The following SFXN5 variants were observed in gnomAD, a reference collection of about 807,000 sequenced individuals.
The protein encoded by SFXN5 is sideroflexin-5.
In SFXN5, 43 loss-of-function variants were observed where a neutral mutation model predicts 50.2. The observed-to-expected ratio is 0.86, with a 90% CI of 0.67 to 1.11. The LOEUF (loss-of-function observed/expected upper bound fraction) is 1.11, where lower values mean the gene tolerates loss of function less well. Ranked by LOEUF, SFXN5 falls within the 50% of genes least tolerant of loss-of-function variation. The probability of loss-of-function intolerance (pLI) is 0.00; values close to 1 mark genes in which losing one functional copy is unlikely to be tolerated. For missense variants in SFXN5, 463 were observed against 454.1 expected (o/e 1.02, Z -0.18); for synonymous variants, 203 against 185.8 (o/e 1.09, Z -0.75).
At chr2:72,946,096 C>T (rs1304146831) in intron 13 of SFXN5, among the ~76,000 whole-genome samples, 7 of 151,182 alleles carry the variant, frequency 4.6e-5, no homozygotes, top group Non-Finnish European at 7.4e-5. Flanking sequence ...TCCCTCCCCT[C>T]GCAGGACAGG....
chr2:72,961,443 G>A lies in SFXN5; in HGVS notation c.828-195C>T, dbSNP rs559359784. 6.6e-6 allele frequency among the ~76,000 whole-genome samples: 1 copy of A among 152,316 alleles called. No individual in the cohort carries two copies. The highest frequency in any genetic ancestry group is 2.1e-4 in the South Asian group (1 of 4,826). ...CCGATAGGTACCCCTATCCCAGCGG[G>A]TATAGACCCCTATCCCAATGTCTTG... On this transcript the variant is annotated intron_variant, in intron 12 of 13. Transcript: ENST00000272433. This position sits in a 1 kb window ranked among gnomAD's most constrained non-coding sequence, Gnocchi z 4.4.
At chr2:73,019,492 G>T (rs1011949662) in intron 6 of SFXN5, 2 of 146,272 alleles carry the variant, frequency 1.4e-5, no homozygotes, top group African/African-American at 5.1e-5. Flanking sequence ...GCACTGGCGC[G>T]ATCTCGGCTC....
Position 72,961,041 on chromosome 2 carries a change from C to A in SFXN5, c.945+90G>T. ...TCCAGCCCCAGCGCCTAGCATGGCG[C>A]TAAGGAGTCGGCACGGTATGAGTAT... On this transcript the variant is annotated intron_variant, in intron 13 of 13. Transcript: ENST00000272433. The surrounding 1 kb of genome is among the most constrained non-coding windows in gnomAD (Gnocchi z 4.4). 1 of 963,052 alleles carries A rather than the reference C, an allele frequency of 1.0e-6. No individual in the cohort carries two copies. Among genetic ancestry groups the A allele is most frequent in the Non-Finnish European group, 1.5e-6 (1 of 680,840 alleles). 59.7% of individuals were successfully genotyped at this position (963,052 alleles called of 1,614,324 possible). A position where few individuals can be genotyped will look rare whatever the true frequency, so the allele number is the denominator to read the frequency against.
intron 6 of SFXN5, among the ~76,000 whole-genome samples, chr2:73,003,390 G>T (rs1674184171): frequency 6.6e-6 from 1 of 152,168 alleles, no homozygotes; most frequent in Non-Finnish European, 1.5e-5. Flanking sequence ...CAGCCCAATA[G>T]CACTCACTGC....
At chr2:73,023,055 G>A in intron 4 of SFXN5, 133 bp downstream of exon 4, 2 of 784,880 alleles carry the variant, frequency 2.5e-6, no homozygotes, top group South Asian at 1.8e-5. Flanking sequence ...GAAGGAAGGG[G>A]TGAGGGGGCC....
chr2:73,000,554 C>T (rs936809295), intron 7 of SFXN5, 67 bp from the exon 8 acceptor site: 1 of 1,469,684 alleles, frequency 6.8e-7, no homozygotes, highest in African/African-American at 1.4e-5. Flanking sequence ...GGCCTGGACC[C>T]CAGGAGGCCA....
intron 10 of SFXN5, among the ~76,000 whole-genome samples, chr2:72,978,946 T>A (rs1375611654): frequency 6.6e-6 from 1 of 152,194 alleles, no homozygotes; most frequent in Non-Finnish European, 1.5e-5. Context: ...GACTGTATAA[T>A]AATGAGAGAC....
chr2:72,961,068 T>G lies in SFXN5; in HGVS notation c.945+63A>C. On this transcript the variant is annotated intron_variant, in intron 13 of 13. Transcript: ENST00000272433. This position sits in a 1 kb window ranked among gnomAD's most constrained non-coding sequence, Gnocchi z 4.4. The stretch of plus-strand genomic sequence containing the variant: ...AAGGAGTCGGCACGGTATGAGTATT[T>G]GTTCAGAAATCACCAAACAGCACCC... The G allele has an allele frequency of 8.4e-7, 1 of 1,191,502 alleles. No homozygotes were observed. The highest frequency in any genetic ancestry group is 1.2e-6 in the Non-Finnish European group (1 of 868,868). 73.8% of individuals were successfully genotyped at this position (1,191,502 alleles called of 1,614,324 possible). A position where few individuals can be genotyped will look rare whatever the true frequency, so the allele number is the denominator to read the frequency against.
intron 2 of SFXN5, among the ~76,000 whole-genome samples, chr2:73,047,312 T>G (rs1680612110): frequency 1.3e-5 from 1 of 79,488 alleles, no homozygotes; most frequent in African/African-American, 4.4e-5. Flanking sequence ...TATATATGTG[T>G]GTGTATGTAT....
At position 72,945,112 on chromosome 2, in the gene SFXN5, A is replaced by ATGTTTCAAT; in HGVS notation, c.946-14_946-13insATTGAAACA. ...GGGATGTTTCAATCTGTGGAGAGAG[A>ATGTTTCAAT]ACAGAGAGGAAAAGTGGGGGAGTGG... On this transcript the variant is annotated splice_polypyrimidine_tract_variant and intron_variant, in intron 13 of 13. Transcript: ENST00000272433. The surrounding 1 kb of genome is among the most constrained non-coding windows in gnomAD (Gnocchi z 5.8). 1 of 1,612,636 alleles carries ATGTTTCAAT rather than the reference A, an allele frequency of 6.2e-7. No individual in the cohort carries two copies. Among genetic ancestry groups the ATGTTTCAAT allele is most frequent in the Non-Finnish European group, 8.5e-7 (1 of 1,178,974 alleles).
rs761202658 is a variant in SFXN5, at chr2:73,058,591, G to A, written c.108C>T (p.Ser36=). 6.2e-7 allele frequency: 1 copy of A among 1,614,072 alleles called. No homozygotes were observed. Among genetic ancestry groups the A allele is most frequent in the South Asian group, 1.1e-5 (1 of 91,080 alleles). Residue 36 remains serine, a synonymous_variant, in exon 2 of 14, where the codon TCC becomes TCT. Transcript: ENST00000272433. ...QLGKPRFQQT[S]FYGRFRHFLD... is the part of the protein sequence containing the mutation. ...AGAAGTGCCTGAAGCGGCCATAGAA[G>A]GACGTCTGAAGAAGAGGATGAGAGA...
chr2:73,027,409 A>C (rs1677711853), intron 3 of SFXN5, among the ~76,000 whole-genome samples: 1 of 152,246 alleles, frequency 6.6e-6, no homozygotes, highest in African/African-American at 2.4e-5. Context: ...AAAATAGTCA[A>C]AAAGTTTTTA....
intron 9 of SFXN5, among the ~76,000 whole-genome samples, chr2:72,993,274 A>G (rs1672830304): frequency 6.6e-6 from 1 of 152,224 alleles, no homozygotes; most frequent in Non-Finnish European, 1.5e-5. Flanking sequence ...GGGCACACTT[A>G]GTAGCACACA....
intron 10 of SFXN5, among the ~76,000 whole-genome samples, chr2:72,987,142 C>T (rs563062734): frequency 2.6e-4 from 39 of 152,128 alleles, no homozygotes; most frequent in African/African-American, 8.7e-4. Flanking sequence ...GTTTTTGAGA[C>T]GGAGTCTCAC....
At chr2:73,026,009 A>G (rs1559170925) in intron 3 of SFXN5, among the ~76,000 whole-genome samples, 1 of 152,232 alleles carries the variant, frequency 6.6e-6, no homozygotes, top group Non-Finnish European at 1.5e-5. Flanking sequence ...CACCTTCTCC[A>G]GGAAAACAGA....
At chr2:72,948,152 T>C (rs1672159983) in intron 13 of SFXN5, among the ~76,000 whole-genome samples, 1 of 152,218 alleles carries the variant, frequency 6.6e-6, no homozygotes, top group Non-Finnish European at 1.5e-5. Flanking sequence ...ACTTCATTTA[T>C]TCAAATGCAC....
intron 3 of SFXN5, among the ~76,000 whole-genome samples, chr2:73,030,754 G>C (rs975509855): frequency 1.3e-5 from 2 of 152,114 alleles, no homozygotes; most frequent in African/African-American, 4.8e-5. Flanking sequence ...TTATTCTTTT[G>C]TGACTGTCTT....
intron 1 of SFXN5, chr2:73,070,813 G>C (rs904048109): frequency 2.6e-5 from 4 of 152,524 alleles, no homozygotes; most frequent in Admixed American, 2.6e-4. Context: ...CGGCGGCGCG[G>C]GGGCCCGGGC....
At chr2:73,039,504 C>A (rs1022536145) in intron 3 of SFXN5, among the ~76,000 whole-genome samples, 2 of 152,064 alleles carry the variant, frequency 1.3e-5, no homozygotes, top group African/African-American at 4.8e-5. Flanking sequence ...TATGTATAGG[C>A]CCCAAAACCA....
Sources: gnomAD v4.1 joint callset for allele counts (sites outside exome capture counted in the v4.1 genomes callset) on GRCh38, gnomAD v4.1.1 for gene constraint, Gnocchi (gnomAD v3.1) non-coding constraint, MANE v1.5 for transcripts, NCBI Gene and HGNC (gene_info 2026-07-23, HGNC 2026-07-21) for gene names.